The following GRID1 variants were observed in gnomAD, a reference collection of about 807,000 sequenced individuals.
GRID1 encodes the protein glutamate ionotropic receptor delta type subunit 1.
GRID1 carries 28 observed loss-of-function variants against 98.0 expected under a neutral mutation model. The observed-to-expected ratio is 0.29, with a 90% CI of 0.21 to 0.39. GRID1 has a LOEUF of 0.39. GRID1 is among the 10% of genes least tolerant of loss of function. GRID1 has a pLI of 1.00. For missense variants in GRID1, 1,111 were observed against 1,340.5 expected, an observed-to-expected ratio of 0.83 and a Z score of 2.67; for synonymous variants, 553 against 538.5, an observed-to-expected ratio of 1.03 and a Z score of -0.37.
At chr10:86,310,532 G>T (rs1206148177) in intron 2 of GRID1, among the ~76,000 whole-genome samples, 1 of 152,136 alleles carries the variant, frequency 6.6e-6, no homozygotes, top group Non-Finnish European at 1.5e-5. Flanking sequence ...AATCACAATT[G>T]GGTGCATCAG....
intron 3 of GRID1, among the ~76,000 whole-genome samples, chr10:86,179,330 C>T (rs1038665417): frequency 2.0e-5 from 3 of 152,054 alleles, no homozygotes; most frequent in African/African-American, 7.2e-5. Context: ...CATCTTTCTC[C>T]TTGCTCTCCT....
At chr10:86,338,423 C>T (rs952386262) in intron 2 of GRID1, among the ~76,000 whole-genome samples, 1 of 152,172 alleles carries the variant, frequency 6.6e-6, no homozygotes, top group Non-Finnish European at 1.5e-5. Flanking sequence ...ACTCTACAGC[C>T]CCGAATCCAG....
intron 4 of GRID1, among the ~76,000 whole-genome samples, chr10:86,113,037 C>T (rs751289505): frequency 1.8e-4 from 27 of 152,124 alleles, no homozygotes; most frequent in Non-Finnish European, 3.1e-4. Context: ...CTTTAGCCTC[C>T]GATTTGTCCA....
intron 2 of GRID1, among the ~76,000 whole-genome samples, chr10:86,234,246 AAG>A (rs1564714362): frequency 2.0e-5 from 3 of 152,178 alleles, no homozygotes; most frequent in Non-Finnish European, 2.9e-5. Flanking sequence ...CCACCCTAGA[AAG>A]AGAGAAGTGG....
chr10:85,923,667 G>C (rs1340885115), intron 4 of GRID1, among the ~76,000 whole-genome samples: 3 of 152,162 alleles, frequency 2.0e-5, no homozygotes, highest in Non-Finnish European at 2.9e-5. Context: ...TTTTCCCAAA[G>C]TCTCCCAGAA....
intron 3 of GRID1, among the ~76,000 whole-genome samples, chr10:86,188,133 A>G (rs1845751814): frequency 6.6e-6 from 1 of 152,244 alleles, no homozygotes; most frequent in Non-Finnish European, 1.5e-5. Flanking sequence ...TATGGCTCCT[A>G]CATGGACTGC....
chr10:86,298,703 A>T (rs1258207959), intron 2 of GRID1, among the ~76,000 whole-genome samples: 1 of 150,502 alleles, frequency 6.6e-6, no homozygotes, highest in Non-Finnish European at 1.5e-5. Context: ...TCTCAATCCC[A>T]CTCCACCCCT....
chr10:85,608,969 T>C (rs563656832), intron 15 of GRID1, among the ~76,000 whole-genome samples: 14 of 152,250 alleles, frequency 9.2e-5, no homozygotes, highest in African/African-American at 3.1e-4. Context: ...AATGTAAATG[T>C]GTAGCCAGAA....
intron 8 of GRID1, among the ~76,000 whole-genome samples, chr10:85,764,292 C>G (rs994669399): frequency 6.6e-6 from 1 of 152,164 alleles, no homozygotes. Context: ...AGAATCCCCC[C>G]GAGGAGTGGA....
At chr10:86,363,344 G>T (rs1180332520) in intron 2 of GRID1, among the ~76,000 whole-genome samples, 1 of 152,188 alleles carries the variant, frequency 6.6e-6, no homozygotes, top group African/African-American at 2.4e-5. Context: ...CGGCGCCTCC[G>T]CCCGCGGCGC....
chr10:85,703,977 C>T (rs996798003), intron 12 of GRID1, among the ~76,000 whole-genome samples: 2 of 152,018 alleles, frequency 1.3e-5, no homozygotes, highest in African/African-American at 4.8e-5. Flanking sequence ...TTTATTTCTC[C>T]TTCACTTATG....
chr10:86,348,139 A>C (rs1477985989), intron 2 of GRID1, among the ~76,000 whole-genome samples: 1 of 152,240 alleles, frequency 6.6e-6, no homozygotes, highest in Non-Finnish European at 1.5e-5. Context: ...ATGTGTGTGC[A>C]GGTCCTCGTG....
intron 4 of GRID1, among the ~76,000 whole-genome samples, chr10:86,027,998 TC>T (rs1354053081): frequency 1.3e-5 from 2 of 152,118 alleles, no homozygotes. Context: ...TTCTAACCAC[TC>T]CTGGAGGTAA....
intron 4 of GRID1, among the ~76,000 whole-genome samples, chr10:86,040,714 G>T (rs1329520721): frequency 2.0e-5 from 3 of 152,178 alleles, no homozygotes; most frequent in Admixed American, 6.5e-5. Context: ...ATAGTGTATT[G>T]TATATTTCAA....
At chr10:85,822,583 A>T (rs538140941) in intron 8 of GRID1, among the ~76,000 whole-genome samples, 1 of 152,246 alleles carries the variant, frequency 6.6e-6, no homozygotes, top group African/African-American at 2.4e-5. Context: ...CTTTTACACC[A>T]TTGGTGGGAC....
At chr10:85,625,312 C>T (rs767151029) in intron 13 of GRID1, among the ~76,000 whole-genome samples, 1 of 152,256 alleles carries the variant, frequency 6.6e-6, no homozygotes, top group Non-Finnish European at 1.5e-5. Flanking sequence ...CAACAGGACA[C>T]AAAGGCCTGG....
At chr10:86,091,196 C>G (rs924594735) in intron 4 of GRID1, among the ~76,000 whole-genome samples, 5 of 152,190 alleles carry the variant, frequency 3.3e-5, no homozygotes, top group Non-Finnish European at 7.3e-5. Flanking sequence ...GGGCAAGAAC[C>G]AAGCCCTTTT....
At chr10:85,667,484 C>A (rs1018967644) in intron 12 of GRID1, among the ~76,000 whole-genome samples, 4 of 152,070 alleles carry the variant, frequency 2.6e-5, no homozygotes, top group African/African-American at 7.2e-5. Flanking sequence ...ACAGAAAAAC[C>A]CTTTTAGGTT....
At chr10:85,746,105 G>A (rs1489157010) in intron 8 of GRID1, among the ~76,000 whole-genome samples, 1 of 152,168 alleles carries the variant, frequency 6.6e-6, no homozygotes, top group Non-Finnish European at 1.5e-5. Context: ...TTGATTGCAA[G>A]GGAGTTATAT....
Sources: gnomAD v4.1 joint callset for allele counts (sites outside exome capture counted in the v4.1 genomes callset) on GRCh38, gnomAD v4.1.1 for gene constraint, MANE v1.5 for transcripts, NCBI Gene and HGNC (gene_info 2026-07-23, HGNC 2026-07-21) for gene names.